The following PI4KA variants were observed in gnomAD, a reference collection of about 807,000 sequenced individuals.
The protein encoded by PI4KA is PI4-kinase alpha.
Under a neutral mutation model 271.4 loss-of-function variants are expected in PI4KA, and 122 were observed. That is an observed-to-expected ratio of 0.45 (90% CI 0.39 to 0.52). The LOEUF (loss-of-function observed/expected upper bound fraction) is 0.52. Ranked by LOEUF, PI4KA falls within the 20% of genes least tolerant of loss-of-function variation. The probability of loss-of-function intolerance (pLI) is 0.00; values close to 1 mark genes in which losing one functional copy is unlikely to be tolerated. For missense variants in PI4KA, 1,969 were observed against 2,769.1 expected (o/e 0.71, Z 6.48); for synonymous variants, 1,041 against 1,078.8 (o/e 0.96, Z 0.69).
intron 43 of PI4KA, among the ~76,000 whole-genome samples, chr22:20,720,101 T>C (rs1054181723): frequency 3.3e-5 from 5 of 150,454 alleles, no homozygotes; most frequent in African/African-American, 1.2e-4. Context: ...TTTTCCACAC[T>C]GTACAAAGAA....
chr22:20,723,940 G>A (rs1927044529), intron 42 of PI4KA, among the ~76,000 whole-genome samples: 1 of 151,882 alleles, frequency 6.6e-6, no homozygotes, highest in Non-Finnish European at 1.5e-5. Context: ...CCGGGTTCAT[G>A]CCATTCTCCT....
At chr22:20,733,955 C>A in intron 34 of PI4KA, 88 bp downstream of exon 34, 2 of 1,522,838 alleles carry the variant, frequency 1.3e-6, no homozygotes, top group Non-Finnish European at 1.8e-6. Context: ...ATGTGTTCCC[C>A]GTCTACAGAA....
chr22:20,850,646 C>G (rs938971670), intron 1 of PI4KA, among the ~76,000 whole-genome samples: 1 of 151,776 alleles, frequency 6.6e-6, no homozygotes. Context: ...ACCGTGTTAG[C>G]CAGGATGGTC....
intron 3 of PI4KA, among the ~76,000 whole-genome samples, chr22:20,826,845 G>A (rs1442474454): frequency 6.6e-6 from 1 of 151,902 alleles, no homozygotes; most frequent in Non-Finnish European, 1.5e-5. Context: ...TTGGCCACTT[G>A]TATGTCTTCT....
intron 7 of PI4KA, among the ~76,000 whole-genome samples, chr22:20,814,400 G>T (rs1337111601): frequency 2.0e-5 from 3 of 152,152 alleles, no homozygotes; most frequent in African/African-American, 7.2e-5. Context: ...GAGATGAATT[G>T]TAGTGATAGT....
intron 1 of PI4KA, among the ~76,000 whole-genome samples, chr22:20,853,641 G>A (rs1016728901): frequency 2.6e-5 from 4 of 152,214 alleles, no homozygotes; most frequent in African/African-American, 7.2e-5. Context: ...AATCCTGGGG[G>A]TGGGACCCCA....
In PI4KA at chr22:20,788,064, T is replaced by C. The variant is rs574686633; in HGVS notation, c.2328+5129A>G. ...ATATGTTTCTGGATCCTTCAATCCC[T>C]GGGTAAGACAAGTGAAATCCACAGA... On this transcript the variant is annotated intron_variant, in intron 19 of 54. Coordinates refer to ENST00000255882, the MANE Select transcript of PI4KA (RefSeq NM_058004.4). Among the ~76,000 whole-genome samples, 3 of 152,332 alleles carry C rather than the reference T, an allele frequency of 2.0e-5. No individual in the cohort carries two copies. The South Asian group carries it at 6.2e-4, about 32-fold the overall frequency.
intron 45 of PI4KA, among the ~76,000 whole-genome samples, 163 bp downstream of exon 45, chr22:20,717,545 C>G (rs2147190298): frequency 6.6e-6 from 1 of 152,368 alleles, no homozygotes; most frequent in East Asian, 1.9e-4. Context: ...TGGGGAGGGG[C>G]TGGGGTCCTG....
At chr22:20,742,442 T>C in intron 31 of PI4KA, 87 bp from the exon 32 acceptor site, 2 of 1,571,976 alleles carry the variant, frequency 1.3e-6, no homozygotes, top group Admixed American at 1.8e-5. Context: ...GTTGACCAGC[T>C]GGGGCCAGTG....
At chr22:20,796,090 C>A in intron 18 of PI4KA, 56 bp downstream of exon 18, 1 of 1,535,592 alleles carries the variant, frequency 6.5e-7, no homozygotes, top group South Asian at 1.1e-5. Flanking sequence ...AAGACTAAGC[C>A]TTGGCCAGCA....
intron 19 of PI4KA, among the ~76,000 whole-genome samples, chr22:20,783,608 C>T (rs892525097): frequency 3.9e-5 from 6 of 152,132 alleles, no homozygotes; most frequent in South Asian, 2.1e-4. Flanking sequence ...CACAGTGAGA[C>T]CTGGTCTCAA....
chr22:20,762,555 A>G (rs1364925437), intron 22 of PI4KA, among the ~76,000 whole-genome samples: 1 of 152,144 alleles, frequency 6.6e-6, no homozygotes, highest in Non-Finnish European at 1.5e-5. Context: ...TGAGAACCTG[A>G]GAAAACTACT....
chr22:20,749,159 G>A (rs759303703), intron 28 of PI4KA, among the ~76,000 whole-genome samples: 1 of 152,186 alleles, frequency 6.6e-6, no homozygotes, highest in African/African-American at 2.4e-5. Context: ...TTGCCACTGC[G>A]TTTCCACACA....
intron 12 of PI4KA, among the ~76,000 whole-genome samples, chr22:20,803,720 C>T (rs1032849235): frequency 3.3e-5 from 5 of 152,008 alleles, no homozygotes; most frequent in South Asian, 2.1e-4. Context: ...TTTGTGCAGA[C>T]GGAGTCTCAC....
intron 50 of PI4KA, 116 bp from the exon 51 acceptor site, chr22:20,711,577 T>C: frequency 1.7e-6 from 2 of 1,178,500 alleles, no homozygotes; most frequent in Non-Finnish European, 1.2e-6. Context: ...GTACCCCCAC[T>C]GTGGAAGCAG....
Position 20,745,820 on chromosome 22 carries a change from T to C in PI4KA, c.3364-1100A>G, listed in dbSNP as rs150560787. ...ACGTTCAACGTAATGACACACACAA[T>C]GTCCTGGCATGGCAAACAGCACCTG... On this transcript the variant is annotated intron_variant, in intron 29 of 54. Coordinates refer to ENST00000255882, the MANE Select transcript of PI4KA (RefSeq NM_058004.4). Among the ~76,000 whole-genome samples the C allele has an allele frequency of 7.4e-4, 112 of 152,078 alleles. 1 individual carries two copies. Among genetic ancestry groups the C allele is most frequent in the African/African-American group, 2.7e-3 (110 of 41,500 alleles).
rs1367493036 is a variant in PI4KA, at chr22:20,727,285, G to A, written c.4886C>T (p.Pro1629Leu). The A allele has an allele frequency of 1.1e-5, 17 of 1,613,312 alleles. No homozygotes were observed. Among genetic ancestry groups the A allele is most frequent in the African/African-American group, 1.3e-5 (1 of 74,932 alleles). ...TGLSYFSSMY[P>L]PHPLTAQYGV... ...GTACTGCGCCGTGAGAGGGTGCGGCGGGTACATGCTGGAGAAGTAGGAGAG... is the reference window on the plus strand; with the variant it reads ...GTACTGCGCCGTGAGAGGGTGCGGCAGGTACATGCTGGAGAAGTAGGAGAG... The change falls in exon 41 of 55, where the codon CCG becomes CTG. Residue 1629 changes from proline (P) to leucine (L), a missense_variant. Transcript: ENST00000255882.
chr22:20,733,473 G>A lies in PI4KA; in HGVS notation c.4160+263C>T, dbSNP rs5760235. Among the ~76,000 whole-genome samples, 55,864 of 147,564 alleles carry A rather than the reference G, an allele frequency of 0.38. 10,765 individuals are homozygous for A. Among genetic ancestry groups the A allele is most frequent in the Middle Eastern group, 0.47 (134 of 288 alleles). Reference sequence around the variant, plus strand: ...ACATTAACAGGGAAATTAAATGGACGCACTTAATCTCCTAAATCAGTTGAA... The same window carrying A: ...ACATTAACAGGGAAATTAAATGGACACACTTAATCTCCTAAATCAGTTGAA... On this transcript the variant is annotated intron_variant, in intron 35 of 54. Coordinates refer to ENST00000255882, the MANE Select transcript of PI4KA (RefSeq NM_058004.4).
intron 19 of PI4KA, among the ~76,000 whole-genome samples, chr22:20,767,180 T>G (rs1226566573): frequency 6.6e-6 from 1 of 152,112 alleles, no homozygotes. Context: ...CAGTGGCTCT[T>G]GCCTGTAATC....
Sources: gnomAD v4.1 joint callset for allele counts (sites outside exome capture counted in the v4.1 genomes callset) on GRCh38, gnomAD v4.1.1 for gene constraint, MANE v1.5 for transcripts, NCBI Gene and HGNC (gene_info 2026-07-23, HGNC 2026-07-21) for gene names.